PID1: variants seen among roughly 807,000 people sequenced by gnomAD.
The protein encoded by PID1 is PTB-containing, cubilin and LRP1-interacting protein.
Under a neutral mutation model 19.1 loss-of-function variants are expected in PID1, and 10 were observed. The observed-to-expected ratio is 0.52, with a 90% CI of 0.32 to 0.89. The LOEUF is 0.89. PID1 is among the 40% of genes least tolerant of loss of function. PID1 has a pLI of 0.03. For synonymous variants in PID1, 130 were observed against 116.0 expected, an observed-to-expected ratio of 1.12 and a Z score of -0.78; for missense variants, 248 against 285.3, an observed-to-expected ratio of 0.87 and a Z score of 0.94.
intron 2 of PID1, among the ~76,000 whole-genome samples, chr2:229,082,025 C>T (rs1363642581): frequency 6.6e-6 from 1 of 152,180 alleles, no homozygotes; most frequent in Non-Finnish European, 1.5e-5. Flanking sequence ...CTTAACCTAA[C>T]AGAAAATGTG....
chr2:229,094,382 A>G (rs1217798623), intron 2 of PID1, among the ~76,000 whole-genome samples: 2 of 152,152 alleles, frequency 1.3e-5, no homozygotes. Context: ...GGCAATCTAC[A>G]TATTCAATGC....
chr2:229,223,158 T>C (rs1051609573), intron 1 of PID1, among the ~76,000 whole-genome samples: 1 of 152,170 alleles, frequency 6.6e-6, no homozygotes, highest in Non-Finnish European at 1.5e-5. Context: ...AAATTGCTTT[T>C]CCAAAGTGGC....
At chr2:229,196,564 A>G (rs769705601) in intron 1 of PID1, among the ~76,000 whole-genome samples, 1 of 152,118 alleles carries the variant, frequency 6.6e-6, no homozygotes, top group Non-Finnish European at 1.5e-5. Context: ...AGTTACAACA[A>G]TGCATGTAAA....
intron 2 of PID1, among the ~76,000 whole-genome samples, chr2:229,110,509 T>C (rs1199077707): frequency 6.6e-6 from 1 of 152,138 alleles, no homozygotes; most frequent in Non-Finnish European, 1.5e-5. Flanking sequence ...AGGGAGGACA[T>C]TCTTATGGGG....
intron 2 of PID1, among the ~76,000 whole-genome samples, chr2:229,111,079 C>T (rs1695288869): frequency 6.6e-6 from 1 of 152,210 alleles, no homozygotes; most frequent in Non-Finnish European, 1.5e-5. Flanking sequence ...CTCATTCTCT[C>T]CCTTATCTGC....
Position 229,065,350 on chromosome 2 carries a change from A to T in PID1, c.178-39242T>A, listed in dbSNP as rs528258543. Among the ~76,000 whole-genome samples, 6 of 152,300 alleles carry T rather than the reference A, an allele frequency of 3.9e-5. No individual in the cohort carries two copies. The South Asian group carries it at 1.2e-3, about 32-fold the overall frequency. On this transcript the variant is annotated intron_variant, in intron 2 of 2. Transcript: ENST00000392055. Reference sequence around the variant, plus strand: ...AGTAGATATGACATACGTTATAAGCAATGCTAGTGACTATTTCTCCCACTG... The same window carrying T: ...AGTAGATATGACATACGTTATAAGCTATGCTAGTGACTATTTCTCCCACTG...
intron 2 of PID1, among the ~76,000 whole-genome samples, chr2:229,106,606 C>T (rs566788765): frequency 8.2e-4 from 125 of 152,316 alleles, no homozygotes; most frequent in African/African-American, 2.7e-3. Context: ...ACCCCCTCCA[C>T]CATGTGAGGA....
At chr2:229,138,269 C>G (rs1689896739) in intron 2 of PID1, among the ~76,000 whole-genome samples, 1 of 152,154 alleles carries the variant, frequency 6.6e-6, no homozygotes, top group African/African-American at 2.4e-5. Flanking sequence ...AGCACATCTG[C>G]TGTAAAAACT....
chr2:229,055,382 T>G (rs1694078385), intron 2 of PID1, among the ~76,000 whole-genome samples: 1 of 152,182 alleles, frequency 6.6e-6, no homozygotes. Flanking sequence ...CAAGGGTAAT[T>G]TAGCATGTTT....
At chr2:229,162,701 T>C (rs1213906361) in intron 1 of PID1, among the ~76,000 whole-genome samples, 1 of 152,248 alleles carries the variant, frequency 6.6e-6, no homozygotes, top group Non-Finnish European at 1.5e-5. Context: ...ATTCTATTTA[T>C]AATCATGCTT....
chr2:229,132,671 C>T (rs781395985), intron 2 of PID1, among the ~76,000 whole-genome samples: 1 of 152,144 alleles, frequency 6.6e-6, no homozygotes, highest in Non-Finnish European at 1.5e-5. Context: ...TACACAGAGG[C>T]ATATAATTTT....
chr2:229,037,718 G>C (rs1693693200), intron 2 of PID1, among the ~76,000 whole-genome samples: 2 of 152,156 alleles, frequency 1.3e-5, no homozygotes, highest in Non-Finnish European at 2.9e-5. Flanking sequence ...ACCTGGAGCT[G>C]TTCCACCCAG....
chr2:229,101,724 C>A (rs1695077993), intron 2 of PID1, among the ~76,000 whole-genome samples: 1 of 152,144 alleles, frequency 6.6e-6, no homozygotes, highest in African/African-American at 2.4e-5. Context: ...CAATCTGATA[C>A]CAAAGACCTT....
intron 1 of PID1, among the ~76,000 whole-genome samples, chr2:229,177,008 G>A (rs532378773): frequency 6.6e-6 from 1 of 152,326 alleles, no homozygotes; most frequent in Admixed American, 6.5e-5. Context: ...GGCTGTGGAG[G>A]CCTCACAATC....
chr2:229,116,583 T>G (rs190830928), intron 2 of PID1, among the ~76,000 whole-genome samples: 1 of 152,114 alleles, frequency 6.6e-6, no homozygotes. Flanking sequence ...TCTCATGAGA[T>G]CTGATGGTTT....
intron 1 of PID1, among the ~76,000 whole-genome samples, chr2:229,182,483 G>C (rs1360756320): frequency 4.6e-5 from 7 of 152,084 alleles, no homozygotes; most frequent in Admixed American, 4.6e-4. Flanking sequence ...TAGGTACTTA[G>C]AGGTCACTTG....
At chr2:229,251,666 T>G (rs1690153833) in intron 1 of PID1, among the ~76,000 whole-genome samples, 1 of 152,162 alleles carries the variant, frequency 6.6e-6, no homozygotes, top group South Asian at 2.1e-4. Context: ...ATCACACATT[T>G]TCATATTTAC....
intron 2 of PID1, among the ~76,000 whole-genome samples, chr2:229,079,279 T>C (rs1694624371): frequency 6.6e-6 from 1 of 152,230 alleles, no homozygotes; most frequent in Non-Finnish European, 1.5e-5. Flanking sequence ...CCATGACTGC[T>C]ATATGGTTTG....
chr2:229,071,417 G>T (rs1157807435), intron 2 of PID1, among the ~76,000 whole-genome samples: 2 of 152,202 alleles, frequency 1.3e-5, no homozygotes, highest in Non-Finnish European at 2.9e-5. Context: ...TATTCTCTGA[G>T]CACATGCTAA....
Sources: gnomAD v4.1 joint callset for allele counts (sites outside exome capture counted in the v4.1 genomes callset) on GRCh38, gnomAD v4.1.1 for gene constraint, MANE v1.5 for transcripts, NCBI Gene and HGNC (gene_info 2026-07-23, HGNC 2026-07-21) for gene names.